The following TGFBR2 variants were observed in gnomAD, a reference collection of about 807,000 sequenced individuals.
TGFBR2 encodes the protein transforming growth factor beta receptor 2.
A neutral mutation model predicts 49.0 loss-of-function variants in TGFBR2; 18 were observed. The observed-to-expected ratio is 0.37, with a 90% CI of 0.25 to 0.54. TGFBR2 has a LOEUF of 0.54. TGFBR2 is among the 20% of genes least tolerant of loss of function. TGFBR2 has a pLI of 0.85. For synonymous variants in TGFBR2, 282 were observed against 275.9 expected, an observed-to-expected ratio of 1.02 and a Z score of -0.22; for missense variants, 525 against 722.6, an observed-to-expected ratio of 0.73 and a Z score of 3.13.
At chr3:30,616,511 C>T (rs886807351) in intron 1 of TGFBR2, among the ~76,000 whole-genome samples, 27 of 152,192 alleles carry the variant, frequency 1.8e-4, no homozygotes, top group African/African-American at 6.5e-4. Context: ...ATCTAGGTGT[C>T]TGGGTGACCA....
chr3:30,639,075 T>C (rs1432852700), intron 1 of TGFBR2, among the ~76,000 whole-genome samples: 1 of 152,200 alleles, frequency 6.6e-6, no homozygotes, highest in Non-Finnish European at 1.5e-5. Flanking sequence ...AACTGGAAGA[T>C]GAGAAATGCC....
At chr3:30,640,940 T>G (rs1402328224) in intron 1 of TGFBR2, among the ~76,000 whole-genome samples, 1 of 152,208 alleles carries the variant, frequency 6.6e-6, no homozygotes. Flanking sequence ...TTAAACATTA[T>G]GTATTAAACG....
At chr3:30,625,193 G>A (rs1698311694) in intron 1 of TGFBR2, among the ~76,000 whole-genome samples, 1 of 152,040 alleles carries the variant, frequency 6.6e-6, no homozygotes, top group Non-Finnish European at 1.5e-5. Flanking sequence ...CTTCAGATCT[G>A]GTGGATAGGT....
At chr3:30,636,860 C>A (rs144054585) in intron 1 of TGFBR2, among the ~76,000 whole-genome samples, 2 of 151,658 alleles carry the variant, frequency 1.3e-5, no homozygotes, top group Admixed American at 1.3e-4. Context: ...GTCAGGAGAT[C>A]GAGACCATCC....
rs917786105 is a variant in TGFBR2, at chr3:30,692,006, A to G, written c.*407A>G. On this transcript the variant is annotated 3_prime_UTR_variant, in exon 7 of 7. Transcript: ENST00000295754. ...GAAAAACATCAAATATTCCCAGGAA[A>G]TTGGTTTTATTGGAGAACTCCAGAA... 1.4e-4 allele frequency: 30 copies of G among 221,264 alleles called. No homozygotes were observed. The Admixed American group carries it at 1.4e-3, about 11-fold the overall frequency. 13.7% of individuals were successfully genotyped at this position (221,264 alleles called of 1,614,324 possible). A position where few individuals can be genotyped will look rare whatever the true frequency, so the allele number is the denominator to read the frequency against.
Position 30,622,181 on chromosome 3 carries a change from T to A in TGFBR2, c.94+15204T>A, listed in dbSNP as rs137965916. Among the ~76,000 whole-genome samples, 330 of 152,340 alleles carry A rather than the reference T, an allele frequency of 2.2e-3. 2 individuals are homozygous for A. Among genetic ancestry groups the A allele is most frequent in the African/African-American group, 6.7e-3 (278 of 41,586 alleles). On this transcript the variant is annotated intron_variant, in intron 1 of 6. Coordinates refer to ENST00000295754, the MANE Select transcript of TGFBR2 (RefSeq NM_003242.6). ...CAAGAAAGTCTTTGGAGTGAGCCCC[T>A]GAAAAGCTTGGGAAAGTGATTGATA...
intron 3 of TGFBR2, among the ~76,000 whole-genome samples, chr3:30,658,848 C>A (rs1312242059): frequency 6.6e-6 from 1 of 152,164 alleles, no homozygotes; most frequent in Non-Finnish European, 1.5e-5. Context: ...AGCTGGTTCC[C>A]TCTGGACCCA....
intron 1 of TGFBR2, among the ~76,000 whole-genome samples, chr3:30,619,890 T>C (rs1344832972): frequency 6.6e-6 from 1 of 152,142 alleles, no homozygotes; most frequent in Non-Finnish European, 1.5e-5. Context: ...CTCTGTGTGT[T>C]TTAAACTATT....
Position 30,692,328 on chromosome 3 carries a change from GCTAGTTTAGAAACTCTCCCTCAAC to G in TGFBR2, c.*746_*769del, listed in dbSNP as rs1279389482. The G allele has an allele frequency of 8.7e-6, 2 of 230,196 alleles. No individual in the cohort carries two copies. The highest frequency in any genetic ancestry group is 8.6e-6 in the Non-Finnish European group (1 of 116,132). 14.3% of individuals were successfully genotyped at this position (230,196 alleles called of 1,614,324 possible). On this transcript the variant is annotated 3_prime_UTR_variant, in exon 7 of 7. Coordinates refer to ENST00000295754, the MANE Select transcript of TGFBR2 (RefSeq NM_003242.6). Reference sequence around the variant, plus strand: ...AAGCTCCAAGCCCCAAATCTGGGGGGCTAGTTTAGAAACTCTCCCTCAACCTAGTTTAGAAACTCTACCCCATCT... The same window carrying G: ...AAGCTCCAAGCCCCAAATCTGGGGGGCTAGTTTAGAAACTCTACCCCATCT...
intron 3 of TGFBR2, among the ~76,000 whole-genome samples, chr3:30,663,167 T>C (rs1699169149): frequency 6.6e-6 from 1 of 151,850 alleles, no homozygotes; most frequent in African/African-American, 2.4e-5. Flanking sequence ...TGTGAGTGCT[T>C]AGCTTTCACT....
At chr3:30,635,903 T>TCA (rs983019525) in intron 1 of TGFBR2, among the ~76,000 whole-genome samples, 2 of 151,802 alleles carry the variant, frequency 1.3e-5, no homozygotes, top group African/African-American at 4.8e-5. Context: ...ACACACACAC[T>TCA]CACACACACA....
rs1312914155 is a variant in TGFBR2 at position 30,693,243 on chromosome 3, C to G, written c.*1644C>G. The G allele has an allele frequency of 8.6e-6, 2 of 233,618 alleles. No individual in the cohort carries two copies. Among genetic ancestry groups the G allele is most frequent in the Non-Finnish European group, 1.7e-5 (2 of 118,034 alleles). The allele number at this position is 233,618 out of a possible 1,614,324, so 14.5% of individuals were successfully genotyped here. A position where few individuals can be genotyped will look rare whatever the true frequency, so the allele number is the denominator to read the frequency against. ...GCTTTCCTCATGGTTACCGTTCTCT[C>G]CATCATGCCAGCCTTCTCAACCTTT... On this transcript the variant is annotated 3_prime_UTR_variant, in exon 7 of 7. Transcript: ENST00000295754.
chr3:30,634,279 T>G (rs1310027639), intron 1 of TGFBR2, among the ~76,000 whole-genome samples: 1 of 152,210 alleles, frequency 6.6e-6, no homozygotes, highest in Non-Finnish European at 1.5e-5. Flanking sequence ...TTACCAGATT[T>G]TGTGTTAGTT....
chr3:30,626,245 C>T (rs1484301901), intron 1 of TGFBR2, among the ~76,000 whole-genome samples: 3 of 152,172 alleles, frequency 2.0e-5, no homozygotes, highest in Admixed American at 6.5e-5. Context: ...TGAAAACTCC[C>T]ATCTGTTGAC....
chr3:30,653,186 A>G (rs1698926646), intron 3 of TGFBR2, among the ~76,000 whole-genome samples: 1 of 151,022 alleles, frequency 6.6e-6, no homozygotes, highest in Non-Finnish European at 1.5e-5. Context: ...CATTAGGAGC[A>G]ACATTTTATA....
intron 3 of TGFBR2, among the ~76,000 whole-genome samples, chr3:30,658,696 CATT>C (rs763141692): frequency 5.9e-5 from 9 of 152,350 alleles, no homozygotes; most frequent in East Asian, 1.9e-4. Flanking sequence ...CTTCCTCTCT[CATT>C]GTTGTAGCAT....
chr3:30,687,463 G>A (rs746294380), intron 5 of TGFBR2, among the ~76,000 whole-genome samples: 22 of 152,208 alleles, frequency 1.4e-4, no homozygotes, highest in South Asian at 1.2e-3. Flanking sequence ...CCGGAGTCAA[G>A]ATATCCTCCT....
intron 1 of TGFBR2, among the ~76,000 whole-genome samples, chr3:30,635,309 G>A (rs938303732): frequency 6.6e-6 from 1 of 152,134 alleles, no homozygotes; most frequent in African/African-American, 2.4e-5. Context: ...TATGTGGCCT[G>A]TATCTCAGAG....
At chr3:30,630,885 G>A (rs540312874) in intron 1 of TGFBR2, among the ~76,000 whole-genome samples, 44 of 152,210 alleles carry the variant, frequency 2.9e-4, no homozygotes, top group African/African-American at 9.6e-4. Flanking sequence ...CATCAGAACT[G>A]CCAGTGCCTT....
Sources: gnomAD v4.1 joint callset for allele counts (sites outside exome capture counted in the v4.1 genomes callset) on GRCh38, gnomAD v4.1.1 for gene constraint, MANE v1.5 for transcripts, NCBI Gene and HGNC (gene_info 2026-07-23, HGNC 2026-07-21) for gene names.